The following CEP78 variants were observed in gnomAD, a reference collection of about 807,000 sequenced individuals.
CEP78 encodes centrosomal protein of 78 kDa.
In CEP78, 76 loss-of-function variants were observed where a neutral mutation model predicts 81.2. The observed-to-expected ratio is 0.94, with a 90% CI of 0.78 to 1.13. The LOEUF is 1.13. Among genes scored for constraint, CEP78 ranks in the 50% most tolerant of loss-of-function variants. The pLI, the probability that CEP78 is intolerant of heterozygous loss-of-function variation, is 0.00. For missense variants in CEP78, 918 were observed against 846.8 expected, an observed-to-expected ratio of 1.08 and a Z score of -1.04; for synonymous variants, 293 against 301.4, an observed-to-expected ratio of 0.97 and a Z score of 0.29.
Position 78,273,516 on chromosome 9 carries a change from C to T in CEP78, c.*2665C>T, listed in dbSNP as rs995556630. On this transcript the variant is annotated 3_prime_UTR_variant, in exon 17 of 17. Coordinates refer to ENST00000643273, the MANE Select transcript of CEP78 (RefSeq NM_001330691.3). Reference sequence around the variant, plus strand: ...TGGGAGGCCGAGGTGGGTGGATCACCTGAGGTCAGAAGTTCAAGACCAGCC... The same window carrying T: ...TGGGAGGCCGAGGTGGGTGGATCACTTGAGGTCAGAAGTTCAAGACCAGCC... 6.6e-6 allele frequency: 1 copy of T among 151,114 alleles called. No homozygotes were observed. Among genetic ancestry groups the T allele is most frequent in the Non-Finnish European group, 1.5e-5 (1 of 67,942 alleles). The allele number at this position is 151,114 out of a possible 1,614,324, so 9.4% of individuals were successfully genotyped here.
rs1827538780 is a variant in CEP78 at position 78,266,498 on chromosome 9, C to G, written c.1902C>G (p.Val634=). ...RIPLPLDSFP[V]PVSTPEGLGT... Reference sequence around the variant, plus strand: ...CTTTGCCTCTCGACTCCTTTCCTGTCCCAGTTTCTACTCCAGAGGGCTTAG... The same window carrying G: ...CTTTGCCTCTCGACTCCTTTCCTGTGCCAGTTTCTACTCCAGAGGGCTTAG... Residue 634 remains valine (V), a synonymous_variant, in exon 16 of 17, where the codon GTC becomes GTG. Transcript: ENST00000643273. The G allele has an allele frequency of 6.2e-7, 1 of 1,613,394 alleles. No homozygotes were observed. The highest frequency in any genetic ancestry group is 8.5e-7 in the Non-Finnish European group (1 of 1,179,470).
At chr9:78,253,494 G>A (rs1826864236) in intron 10 of CEP78, 6 of 438,866 alleles carry the variant, frequency 1.4e-5, no homozygotes, top group Non-Finnish European at 1.6e-5. Context: ...TAGACAGGAA[G>A]TCATTTCTCT....
chr9:78,265,676 GACTGAGATTAGT>G, intron 14 of CEP78, 133 bp downstream of exon 14: 5 of 867,892 alleles, frequency 5.8e-6, no homozygotes, highest in Non-Finnish European at 8.8e-6. Flanking sequence ...TCCTTTCCAA[GACTGAGATTAGT>G]AAGTTTGTGC....
intron 5 of CEP78, among the ~76,000 whole-genome samples, 155 bp downstream of exon 5, chr9:78,243,791 T>C (rs1826347463): frequency 6.7e-6 from 1 of 150,048 alleles, no homozygotes; most frequent in South Asian, 2.1e-4. Context: ...AAAAGTTATA[T>C]ATATTCTTTA....
At position 78,236,113 on chromosome 9, in the gene CEP78, C is replaced by A. The variant is rs982611190; in HGVS notation, c.-238C>A. The A allele has an allele frequency of 1.9e-6, 1 of 531,148 alleles. No individual in the cohort carries two copies. Among genetic ancestry groups the A allele is most frequent in the Non-Finnish European group, 3.3e-6 (1 of 302,488 alleles). The allele number at this position is 531,148 out of a possible 1,614,324, so 32.9% of individuals were successfully genotyped here. ...GCGCCTCAGAGGACTATGAGGCGGG[C>A]GCCAACTGCTTGGGCCGCAGGGCGG... On this transcript the variant is annotated 5_prime_UTR_variant, in exon 1 of 17. Transcript: ENST00000643273.
intron 10 of CEP78, chr9:78,254,060 A>T (rs939701761): frequency 1.3e-5 from 2 of 152,196 alleles, no homozygotes; most frequent in Admixed American, 1.3e-4. Context: ...ATTGTGACAC[A>T]GTCAATTTTG....
At position 78,248,812 on chromosome 9, in the gene CEP78, AC is replaced by A. The variant is rs1826621513; in HGVS notation, c.1009del (p.Gln337ArgfsTer6). 1.2e-6 allele frequency: 2 copies of A among 1,600,426 alleles called. No individual in the cohort carries two copies. The highest frequency in any genetic ancestry group is 1.7e-6 in the Non-Finnish European group (2 of 1,174,218). On this transcript the variant is annotated frameshift_variant, in exon 8 of 17. Transcript: ENST00000643273. LOFTEE classifies it high-confidence loss of function. ...TGAAGGAACCATCCAAAACTGCTAA[AC>A]AGAAAAGGAGAACTATAATTCTAGG... ...SVKEPSKTAK[Q>X]KRRTIILGSG...
chr9:78,252,962 T>C (rs1171921482), intron 9 of CEP78, among the ~76,000 whole-genome samples: 1 of 152,230 alleles, frequency 6.6e-6, no homozygotes, highest in African/African-American at 2.4e-5. Context: ...GAACAATTAA[T>C]ATCACCAGTT....
chr9:78,238,707 T>G (rs151052285), intron 1 of CEP78, among the ~76,000 whole-genome samples: 22 of 152,266 alleles, frequency 1.4e-4, no homozygotes, highest in African/African-American at 5.1e-4. Context: ...TACATCTCAT[T>G]CAGGTGCAGG....
At chr9:78,258,911 GTATAAGTGAGCACACCTA>G (rs1827154878) in intron 11 of CEP78, among the ~76,000 whole-genome samples, 2 of 152,186 alleles carry the variant, frequency 1.3e-5, no homozygotes, top group Admixed American at 6.5e-5. Context: ...TACACCGGAA[GTATAAGTGAGCACACCTA>G]CTTTGGAAAG....
Position 78,271,047 on chromosome 9 carries a change from T to C in CEP78, c.*196T>C, listed in dbSNP as rs907405991. On this transcript the variant is annotated 3_prime_UTR_variant, in exon 17 of 17. Coordinates refer to ENST00000643273, the MANE Select transcript of CEP78 (RefSeq NM_001330691.3). ...CCACCAGGCTAAGAAAGCAGCTATC[T>C]GAAGTGGGAGCTCTGACCCAAGAAA... 6.1e-6 allele frequency: 3 copies of C among 488,056 alleles called. No homozygotes were observed. Among genetic ancestry groups the C allele is most frequent in the Non-Finnish European group, 1.1e-5 (3 of 279,928 alleles). 30.2% of individuals were successfully genotyped at this position (488,056 alleles called of 1,614,324 possible). A position where few individuals can be genotyped will look rare whatever the true frequency, so the allele number is the denominator to read the frequency against.
At chr9:78,266,955 T>C (rs1827570545) in intron 16 of CEP78, 10 of 1,415,142 alleles carry the variant, frequency 7.1e-6, no homozygotes, top group Non-Finnish European at 8.2e-6. Flanking sequence ...TACTCTTGGA[T>C]GTGATTTTGA....
chr9:78,260,630 C>T (rs1023085238), intron 11 of CEP78, among the ~76,000 whole-genome samples: 1 of 149,800 alleles, frequency 6.7e-6, no homozygotes, highest in East Asian at 2.0e-4. Flanking sequence ...TGGTGTGAAC[C>T]TGGGAGGTGG....
Position 78,259,272 on chromosome 9 carries a change from G to A in CEP78, c.1381-3635G>A, listed in dbSNP as rs1587595767. ...AGTTAGAAGTAGGCAAAACTAGATT[G>A]TTAGGGATGCATGCATATAAAGGAA... On this transcript the variant is annotated intron_variant, in intron 11 of 16. Coordinates refer to ENST00000643273, the MANE Select transcript of CEP78 (RefSeq NM_001330691.3). Among the ~76,000 whole-genome samples the A allele has an allele frequency of 2.0e-5, 3 of 152,284 alleles. No individual in the cohort carries two copies. In the Middle Eastern group the frequency reaches 0.01, roughly 518 times the overall value.
At chr9:78,250,124 A>G (rs746814979) in intron 8 of CEP78, 30 of 394,766 alleles carry the variant, frequency 7.6e-5, no homozygotes, top group Non-Finnish European at 9.4e-5. Context: ...ATGAGAATAA[A>G]AAACAAAAAT....
intron 8 of CEP78, among the ~76,000 whole-genome samples, chr9:78,251,457 G>T (rs1247837602): frequency 6.6e-6 from 1 of 152,096 alleles, no homozygotes; most frequent in African/African-American, 2.4e-5. Context: ...CTGTTTGGTA[G>T]GAGTCATGGG....
At position 78,236,295 on chromosome 9, in the gene CEP78, G is replaced by T; in HGVS notation, c.-56G>T. 1 of 1,484,378 alleles carries T rather than the reference G, an allele frequency of 6.7e-7. No homozygotes were observed. Among genetic ancestry groups the T allele is most frequent in the Non-Finnish European group, 9.1e-7 (1 of 1,104,900 alleles). The allele number at this position is 1,484,378 out of a possible 1,614,324, so 92.0% of individuals were successfully genotyped here. A position where few individuals can be genotyped will look rare whatever the true frequency, so the allele number is the denominator to read the frequency against. ...GGCCGGGTTGCGACTCAGCGTTCTT[G>T]GGTGGGCGCGGGCGGCGTCTCCGCG... On this transcript the variant is annotated 5_prime_UTR_variant, in exon 1 of 17. Transcript: ENST00000643273.
At chr9:78,262,790 A>G (rs1360459195) in intron 11 of CEP78, 117 bp from the exon 12 acceptor site, 3 of 544,608 alleles carry the variant, frequency 5.5e-6, no homozygotes, top group Non-Finnish European at 9.7e-6. Context: ...TATAATCCTG[A>G]TATCTGAGTT....
At chr9:78,250,204 A>G in intron 8 of CEP78, 1 of 398,114 alleles carries the variant, frequency 2.5e-6, no homozygotes, top group Non-Finnish European at 4.4e-6. Flanking sequence ...AGCTATTTTA[A>G]GAGTAACTTT....
Sources: gnomAD v4.1 joint callset for allele counts (sites outside exome capture counted in the v4.1 genomes callset) on GRCh38, gnomAD v4.1.1 for gene constraint, MANE v1.5 for transcripts, NCBI Gene and HGNC (gene_info 2026-07-23, HGNC 2026-07-21) for gene names.